Variants in CLEC12A observed in about 807,000 individuals in gnomAD.
CLEC12A encodes C-type lectin domain family 12 member A.
CLEC12A carries 22 observed loss-of-function variants against 26.5 expected under a neutral mutation model. That is an observed-to-expected ratio of 0.83 (90% CI 0.59 to 1.19). CLEC12A has a LOEUF of 1.19. Among genes scored for constraint, CLEC12A ranks in the 50% most tolerant of loss-of-function variants. CLEC12A has a pLI of 0.00. For synonymous variants in CLEC12A, 119 were observed against 101.9 expected (o/e 1.17, Z -1.01); for missense variants, 353 against 315.6 (o/e 1.12, Z -0.90).
intron 1 of CLEC12A, among the ~76,000 whole-genome samples, chr12:9,965,325 G>A (rs572975844): frequency 4.6e-5 from 7 of 152,232 alleles, no homozygotes; most frequent in South Asian, 2.1e-4. Flanking sequence ...GAAATTAGCC[G>A]GACATGATCA....
chr12:10,002,116 C>G, the CLEC12A span, among the ~76,000 whole-genome samples: 6 of 152,098 alleles, frequency 3.9e-5, no homozygotes, highest in African/African-American at 1.4e-4. Context: ...CTCCTGACCT[C>G]GTGATCCACC....
rs569898644 is a variant in CLEC12A, at chr12:9,980,309, C to T, written c.380-273C>T. ...CCCTTCGATGTAAAAAAAAAAGAAACGGCATGTAATCCCAGCTACTTGGGT... is the reference window on the plus strand; with the variant it reads ...CCCTTCGATGTAAAAAAAAAAGAAATGGCATGTAATCCCAGCTACTTGGGT... On this transcript the variant is annotated intron_variant, in intron 3 of 5. Transcript: ENST00000304361. Among the ~76,000 whole-genome samples the T allele has an allele frequency of 1.1e-4, 16 of 150,894 alleles. No homozygotes were observed. In the East Asian group the frequency reaches 1.6e-3, roughly 15 times the overall value.
In CLEC12A at chr12:9,980,484, A is replaced by G. The variant is rs1864513523; in HGVS notation, c.380-98A>G. Reference sequence around the variant, plus strand: ...GAGAAAGAAAAAGAAAGAAGAATAAACAGCAAATGTGATCAATGTCACACA... The same window carrying G: ...GAGAAAGAAAAAGAAAGAAGAATAAGCAGCAAATGTGATCAATGTCACACA... On this transcript the variant is annotated intron_variant, in intron 3 of 5. Transcript: ENST00000304361. 5.8e-6 allele frequency: 7 copies of G among 1,213,808 alleles called. 1 individual carries two copies. In the South Asian group the frequency reaches 9.3e-5, roughly 16 times the overall value. The allele number at this position is 1,213,808 out of a possible 1,614,324, so 75.2% of individuals were successfully genotyped here. A position where few individuals can be genotyped will look rare whatever the true frequency, so the allele number is the denominator to read the frequency against.
At chr12:9,965,534 G>A (rs889369611) in intron 1 of CLEC12A, among the ~76,000 whole-genome samples, 2 of 151,304 alleles carry the variant, frequency 1.3e-5, no homozygotes, top group South Asian at 4.2e-4. Context: ...GGGTGCAAAG[G>A]AATAGTAAAG....
chr12:9,957,523 G>T (rs757471762), intron 1 of CLEC12A, among the ~76,000 whole-genome samples: 13 of 151,916 alleles, frequency 8.6e-5, no homozygotes, highest in Admixed American at 1.3e-4. Flanking sequence ...CAAAAAAAAG[G>T]TGTGGGTAGA....
chr12:9,956,296 A>G (rs74065422), intron 1 of CLEC12A, among the ~76,000 whole-genome samples: 4,235 of 152,312 alleles, frequency 0.028, 201 homozygotes, highest in African/African-American at 0.096. Flanking sequence ...GAGTTAAACA[A>G]AATTATTTCT....
At chr12:9,998,521 T>C (rs149325605), downstream of CLEC12A, 7 of 541,934 alleles carry the variant, frequency 1.3e-5, no homozygotes, top group South Asian at 7.6e-5. Context: ...ACCTGTGTTC[T>C]CCTCATGATC....
intron 1 of CLEC12A, among the ~76,000 whole-genome samples, chr12:9,959,225 T>G (rs1053526872): frequency 6.6e-6 from 1 of 151,528 alleles, no homozygotes; most frequent in Non-Finnish European, 1.5e-5. Flanking sequence ...CTGAGGCGGG[T>G]GGATCACATG....
intron 5 of CLEC12A, among the ~76,000 whole-genome samples, chr12:9,982,410 T>A (rs56879364): frequency 3.3e-5 from 5 of 152,044 alleles, no homozygotes; most frequent in African/African-American, 1.2e-4. Flanking sequence ...AGAAAAGTCA[T>A]TGGACTAACA....
chr12:9,993,133 C>T (rs1367884698), intron 4 of CLEC12A: 1 of 1,606,048 alleles, frequency 6.2e-7, no homozygotes, highest in Admixed American at 1.7e-5. Context: ...ATCCTGTCCA[C>T]CTCTTTGCAT....
chr12:9,972,128 C>G (rs1192668095), intron 1 of CLEC12A, among the ~76,000 whole-genome samples: 1 of 151,648 alleles, frequency 6.6e-6, no homozygotes, highest in Admixed American at 6.6e-5. Flanking sequence ...ATTTGACTAT[C>G]TACCAAACTA....
intron 4 of CLEC12A, chr12:9,992,081 A>T (rs1864907052): frequency 6.6e-6 from 1 of 152,116 alleles, no homozygotes; most frequent in African/African-American, 2.4e-5. Flanking sequence ...GCCACTAGTT[A>T]AAAAAGGGAA....
At chr12:9,977,405 C>T (rs1346543074) in intron 1 of CLEC12A, among the ~76,000 whole-genome samples, 1 of 152,186 alleles carries the variant, frequency 6.6e-6, no homozygotes, top group Non-Finnish European at 1.5e-5. Flanking sequence ...TAAATAATGT[C>T]TCCTCCTTGT....
chr12:9,957,688 A>G (rs1376268727), intron 1 of CLEC12A, among the ~76,000 whole-genome samples: 1 of 152,276 alleles, frequency 6.6e-6, no homozygotes, highest in Non-Finnish European at 1.5e-5. Flanking sequence ...AGAGGAAGCA[A>G]TCAGATATGC....
At chr12:9,996,085 T>C (rs973271636), downstream of CLEC12A, among the ~76,000 whole-genome samples, 5 of 152,174 alleles carry the variant, frequency 3.3e-5, no homozygotes, top group African/African-American at 1.2e-4. Context: ...AAATAAAAAA[T>C]GACTTGAGCT....
chr12:9,984,846 G>A, intron 5 of CLEC12A, 24 bp from the exon 6 acceptor site: 2 of 1,426,888 alleles, frequency 1.4e-6, no homozygotes, highest in Admixed American at 2.6e-5. Flanking sequence ...CTTGCCAAGT[G>A]TAATTCTTTA....
chr12:9,986,205 T>C (rs771879499), downstream of CLEC12A: 2 of 444,686 alleles, frequency 4.5e-6, no homozygotes, highest in South Asian at 3.2e-5. Context: ...AGTTTGATCA[T>C]TAAAAGAGCA....
intron 1 of CLEC12A, among the ~76,000 whole-genome samples, chr12:9,960,173 G>T (rs1863806862): frequency 6.6e-6 from 1 of 152,126 alleles, no homozygotes; most frequent in Non-Finnish European, 1.5e-5. Flanking sequence ...GTCACTGTGG[G>T]ATCCCTCCAG....
rs1287024582 is a variant in CLEC12A, at chr12:9,952,200, C to T, written c.10+844C>T. The T allele has an allele frequency of 2.7e-3, 176 of 64,016 alleles. 1 individual carries two copies. The highest frequency in any genetic ancestry group is 7.8e-3 in the African/African-American group (167 of 21,284). The allele number at this position is 64,016 out of a possible 1,614,324, so 4.0% of individuals were successfully genotyped here. On this transcript the variant is annotated intron_variant, in intron 1 of 6. Coordinates refer to the CLEC12A transcript ENST00000355690. ...CCCTCTCCCTCTCCCTCTCCGTCTC[C>T]CTCTCCCTCTCCCCACGGTCTCCCT...
Sources: allele counts gnomAD v4.1 joint callset (sites outside exome capture counted in the v4.1 genomes callset), GRCh38; gene constraint gnomAD v4.1.1; transcripts MANE v1.5; gene names NCBI Gene and HGNC (gene_info 2026-07-23, HGNC 2026-07-21).